Variants in ACTN2 observed in about 807,000 individuals in gnomAD.
ACTN2 encodes the protein alpha-actinin-2.
Under a neutral mutation model 113.8 loss-of-function variants are expected in ACTN2, and 39 were observed. The ratio of observed to expected loss-of-function variants is 0.34; its 90% CI spans 0.27 to 0.45. ACTN2 has a LOEUF of 0.45. Ranked by LOEUF, ACTN2 falls within the 20% of genes least tolerant of loss-of-function variation. ACTN2 has a pLI of 1.00. For synonymous variants in ACTN2, 429 were observed against 444.1 expected, an observed-to-expected ratio of 0.97 and a Z score of 0.43; for missense variants, 992 against 1,177.9, an observed-to-expected ratio of 0.84 and a Z score of 2.31.
Position 236,749,109 on chromosome 1 carries a change from C to T in ACTN2, c.1516-15C>T, listed in dbSNP as rs1659318757. On this transcript the variant is annotated splice_polypyrimidine_tract_variant and intron_variant, in intron 13 of 20. Coordinates refer to ENST00000366578, the MANE Select transcript of ACTN2 (RefSeq NM_001103.4). ...AATTAGTCTATGATAATGCTTGCTT[C>T]TCTTTATTCTTTAGAGAATGGAGAA... The T allele has an allele frequency of 1.2e-6, 2 of 1,613,816 alleles. No individual in the cohort carries two copies. Among genetic ancestry groups the T allele is most frequent in the African/African-American group, 1.3e-5 (1 of 74,916 alleles).
chr1:236,721,015 G>GGTTTTTTTTTTTTTTTTTT, intron 4 of ACTN2, among the ~76,000 whole-genome samples: 497 of 49,170 alleles, frequency 0.01, 220 homozygotes, highest in East Asian at 0.017. Context: ...TCTGGTTTTT[G>GGTTTTTTTTTTTTTTTTTT]TTTTTTGTTT....
chr1:236,715,696 C>T (rs1216745820), intron 1 of ACTN2, among the ~76,000 whole-genome samples: 2 of 152,172 alleles, frequency 1.3e-5, no homozygotes, highest in Admixed American at 1.3e-4. Flanking sequence ...TGGCTCATGC[C>T]TGTAATCCCA....
intron 12 of ACTN2, among the ~76,000 whole-genome samples, chr1:236,745,250 C>T (rs1211539955): frequency 5.9e-5 from 9 of 152,060 alleles, no homozygotes; most frequent in African/African-American, 1.7e-4. Context: ...CTGGCTAACA[C>T]GGTGAAACCC....
intron 8 of ACTN2, among the ~76,000 whole-genome samples, chr1:236,736,114 C>T (rs1178280303): frequency 3.3e-5 from 5 of 152,190 alleles, no homozygotes; most frequent in South Asian, 2.1e-4. Flanking sequence ...TTCACAGTTC[C>T]GTGATTTGGT....
intron 12 of ACTN2, among the ~76,000 whole-genome samples, chr1:236,746,712 A>C (rs1035933386): frequency 1.3e-5 from 2 of 152,116 alleles, no homozygotes; most frequent in African/African-American, 2.4e-5. Context: ...GTCTCAAAAA[A>C]AAAAAAAAAA....
intron 1 of ACTN2, among the ~76,000 whole-genome samples, chr1:236,717,425 G>A (rs1658253438): frequency 3.3e-5 from 5 of 152,086 alleles, no homozygotes; most frequent in Admixed American, 2.0e-4. Flanking sequence ...TGACAGAGCT[G>A]GATGACCCTG....
Position 236,754,077 on chromosome 1 carries a change from T to C in ACTN2, c.1970T>C (p.Met657Thr). ...ATTGGGCCCTGGATCCAGAACAAGA[T>C]GGAGGTAAGCCAGCGCCCTCCCAGG... ...NAIGPWIQNK[M>T]EEIARSSIQI... Residue 657 changes from methionine (M) to threonine (T), a missense_variant, in exon 16 of 21, where the codon ATG (methionine) becomes ACG (threonine). Transcript: ENST00000366578. This position sits in a 1 kb window ranked among gnomAD's most constrained non-coding sequence, Gnocchi z 4.9. The C allele has an allele frequency of 6.2e-7, 1 of 1,613,922 alleles. No individual in the cohort carries two copies. Among genetic ancestry groups the C allele is most frequent in the South Asian group, 1.1e-5 (1 of 91,082 alleles).
At chr1:236,704,167 A>G (rs180943853) in intron 1 of ACTN2, among the ~76,000 whole-genome samples, 7 of 152,306 alleles carry the variant, frequency 4.6e-5, no homozygotes, top group Non-Finnish European at 7.4e-5. Context: ...AGCGTACTGT[A>G]ATTTGAGATC....
chr1:236,739,583 A>C (rs1451430087), intron 10 of ACTN2, 51 bp downstream of exon 10: 2 of 1,594,838 alleles, frequency 1.3e-6, no homozygotes, highest in Non-Finnish European at 1.7e-6. Context: ...CCCTCCTTCT[A>C]GCCTAAAGGC....
rs1666044375 is a variant in ACTN2 at position 236,690,575 on chromosome 1, G to A, written c.126+3776G>A. Among the ~76,000 whole-genome samples, 3 of 152,124 alleles carry A rather than the reference G, an allele frequency of 2.0e-5. 1 individual carries two copies. The South Asian group carries it at 6.2e-4, about 32-fold the overall frequency. ...ACAGGGTTTTTTGTCTGGATCAAAT[G>A]GTTAAACTGTTTTATGGTGAAGCGG... On this transcript the variant is annotated intron_variant, in intron 1 of 20. Coordinates refer to ENST00000366578, the MANE Select transcript of ACTN2 (RefSeq NM_001103.4).
intron 9 of ACTN2, 48 bp from the exon 10 acceptor site, chr1:236,739,254 A>G (rs1558241190): frequency 1.4e-5 from 22 of 1,567,992 alleles, no homozygotes; most frequent in African/African-American, 1.4e-5. Flanking sequence ...TAACTGGGGG[A>G]GGGGGCTTGC....
chr1:236,689,316 TATATATATATATATATATATATAC>T (rs935196508), intron 1 of ACTN2, among the ~76,000 whole-genome samples: 4 of 33,680 alleles, frequency 1.2e-4, no homozygotes, highest in Non-Finnish European at 1.6e-4. Context: ...TATATATATA[TATATATATATATATATATATATAC>T]ACACACATAT....
intron 18 of ACTN2, among the ~76,000 whole-genome samples, chr1:236,758,959 A>G (rs1357319958): frequency 6.6e-6 from 1 of 152,192 alleles, no homozygotes; most frequent in African/African-American, 2.4e-5. Flanking sequence ...GGGATGTACC[A>G]TTACTTTGCA....
Position 236,751,614 on chromosome 1 carries a change from A to G in ACTN2, c.1801A>G (p.Thr601Ala). Residue 601 changes from threonine to alanine, a missense_variant, in exon 15 of 21, where the codon ACT (threonine) becomes GCT (alanine). Thr to Ala is a moderately conservative substitution (Grantham distance 58, BLOSUM62 0). Coordinates refer to ENST00000366578, the MANE Select transcript of ACTN2 (RefSeq NM_001103.4). ...AATCAGCTCAAGCAACCCGTACAGC[A>G]CTGTCACCATGGATGAGCTCCGGAC... is the stretch of plus-strand genomic sequence containing the variant. Reference protein sequence around the residue: ...IRISSSNPYSTVTMDELRTKW... With the variant: ...IRISSSNPYSAVTMDELRTKW... The G allele has an allele frequency of 1.2e-6, 2 of 1,614,020 alleles. No individual in the cohort carries two copies. The highest frequency in any genetic ancestry group is 1.1e-5 in the South Asian group (1 of 91,076).
intron 4 of ACTN2, among the ~76,000 whole-genome samples, chr1:236,721,196 T>C (rs147537179): frequency 0.016 from 2,376 of 151,316 alleles, 23 homozygotes; most frequent in Middle Eastern, 0.051. Flanking sequence ...CTGGCTAATT[T>C]TTCATATTTT....
chr1:236,713,703 A>G (rs1401065755), intron 1 of ACTN2, among the ~76,000 whole-genome samples: 3 of 28,732 alleles, frequency 1.0e-4, no homozygotes, highest in Admixed American at 4.2e-4. Flanking sequence ...AGGGATATGC[A>G]AGAGACTGAT....
chr1:236,731,202 T>A, intron 6 of ACTN2, 31 bp from the exon 7 acceptor site: 2 of 1,557,488 alleles, frequency 1.3e-6, no homozygotes, highest in Non-Finnish European at 1.8e-6. Context: ...AAATATATTT[T>A]AAAAATCTGA....
In ACTN2 at chr1:236,737,194, T is replaced by C; in HGVS notation, c.856T>C (p.Tyr286His). Residue 286 changes from tyrosine (Y) to histidine (H), a missense_variant, in exon 9 of 21, where the codon TAT (tyrosine) becomes CAT (histidine). Physicochemically the swap from Tyr to His is moderately conservative, Grantham distance 83. This residue lies in a region of ACTN2 where 736 missense variants were observed against 815.4 expected (regional missense o/e 0.90). Transcript: ENST00000366578. ...NQENERLMEEYERLASELLEW... is the reference protein window; with the variant it reads ...NQENERLMEEHERLASELLEW... ...AGAGAATGAGAGGCTGATGGAAGAA[T>C]ATGAGAGGCTAGCGAGTGAGGTAAA... 6.3e-7 allele frequency: 1 copy of C among 1,598,914 alleles called. No homozygotes were observed. The highest frequency in any genetic ancestry group is 8.5e-7 in the Non-Finnish European group (1 of 1,170,416).
intron 1 of ACTN2, among the ~76,000 whole-genome samples, chr1:236,715,349 A>C (rs1658160868): frequency 7.7e-6 from 1 of 130,682 alleles, no homozygotes; most frequent in African/African-American, 2.9e-5. Flanking sequence ...TACCAAAGAA[A>C]CCTATTACTC....
Sources: gnomAD v4.1 joint callset for allele counts (sites outside exome capture counted in the v4.1 genomes callset) on GRCh38, gnomAD v4.1.1 for gene constraint, gnomAD v4.1.1 regional missense constraint, Gnocchi (gnomAD v3.1) non-coding constraint, MANE v1.5 for transcripts, NCBI Gene and HGNC (gene_info 2026-07-23, HGNC 2026-07-21) for gene names.